Variants in USP46 observed in about 807,000 individuals in gnomAD.
The protein encoded by USP46 is ubiquitin carboxyl-terminal hydrolase 46.
USP46 carries 12 observed loss-of-function variants against 44.4 expected under a neutral mutation model. The observed-to-expected ratio is 0.27, with a 90% confidence interval of 0.17 to 0.44. The LOEUF (loss-of-function observed/expected upper bound fraction) is 0.44. Among genes scored for constraint, USP46 ranks in the 20% least tolerant of loss-of-function variants. The pLI, the probability that USP46 is intolerant of heterozygous loss-of-function variation, is 1.00. For missense variants in USP46, 248 were observed against 444.8 expected (o/e 0.56, Z 3.98); for synonymous variants, 155 against 161.5 (o/e 0.96, Z 0.31).
At chr4:52,632,111 G>A (rs999988700) in intron 1 of USP46, among the ~76,000 whole-genome samples, 7 of 152,028 alleles carry the variant, frequency 4.6e-5, no homozygotes, top group East Asian at 3.9e-4. Context: ...CCCATTGCAC[G>A]GACAAGGAAC....
chr4:52,633,010 GAAAGAAAGAAAGAAAGAAAA>G (rs1717974283), intron 1 of USP46, among the ~76,000 whole-genome samples: 4 of 115,894 alleles, frequency 3.5e-5, no homozygotes, highest in African/African-American at 1.4e-4. Flanking sequence ...AAGAAAGAAA[GAAAGAAAGAAAGAAAGAAAA>G]AGAAAGGTAA....
intron 5 of USP46, among the ~76,000 whole-genome samples, chr4:52,606,633 A>G (rs572041540): frequency 2.0e-5 from 3 of 152,304 alleles, no homozygotes; most frequent in Admixed American, 6.5e-5. Context: ...TTACAATCCA[A>G]TGAGATTTGG....
intron 5 of USP46, among the ~76,000 whole-genome samples, chr4:52,609,414 T>A (rs1716827076): frequency 6.6e-6 from 1 of 151,762 alleles, no homozygotes; most frequent in Non-Finnish European, 1.5e-5. Context: ...AAAAATGCAA[T>A]CCACATTAAA....
At chr4:52,647,642 G>C (rs1021080786) in intron 1 of USP46, among the ~76,000 whole-genome samples, 3 of 152,144 alleles carry the variant, frequency 2.0e-5, no homozygotes, top group African/African-American at 7.2e-5. Flanking sequence ...CAAAAGCTTG[G>C]CCACACACCA....
intron 1 of USP46, among the ~76,000 whole-genome samples, chr4:52,657,382 TG>T (rs1340952753): frequency 1.4e-5 from 2 of 148,068 alleles, no homozygotes; most frequent in Non-Finnish European, 3.0e-5. Context: ...GGGGGACGCG[TG>T]GGGGGAGGTT....
At chr4:52,638,616 A>ATTATATATATAATATATATAATT (rs1222437760) in intron 1 of USP46, among the ~76,000 whole-genome samples, 2 of 148,080 alleles carry the variant, frequency 1.4e-5, no homozygotes, top group Non-Finnish European at 3.0e-5. Context: ...AATGCCCTAA[A>ATTATATATATAATATATATAATT]TTATATATAT....
intron 1 of USP46, among the ~76,000 whole-genome samples, chr4:52,632,976 GAAAGAA>G (rs1717936852): frequency 1.3e-5 from 1 of 76,732 alleles, no homozygotes; most frequent in African/African-American, 6.5e-5. Context: ...AAGAAAGAAA[GAAAGAA>G]AGAAAAGAAA....
At chr4:52,648,247 A>G (rs1426998637) in intron 1 of USP46, among the ~76,000 whole-genome samples, 1 of 152,226 alleles carries the variant, frequency 6.6e-6, no homozygotes, top group Non-Finnish European at 1.5e-5. Flanking sequence ...TGCTCCTCCA[A>G]GAGCCGATTA....
intron 4 of USP46, 95 bp downstream of exon 4, chr4:52,625,923 C>T: frequency 8.2e-7 from 1 of 1,217,784 alleles, no homozygotes; most frequent in Non-Finnish European, 1.1e-6. Flanking sequence ...CTGCAAATAA[C>T]TGCTAAATGC....
Position 52,659,160 on chromosome 4 carries a change from G to C in USP46, c.-10C>G. Reference sequence around the variant, plus strand: ...TGTTTCGGACAGTCATTAGTCTAAAGGTTGCAGCGATCCCTCACCGCCATC... The same window carrying C: ...TGTTTCGGACAGTCATTAGTCTAAACGTTGCAGCGATCCCTCACCGCCATC... On this transcript the variant is annotated 5_prime_UTR_variant, in exon 1 of 9. Coordinates refer to ENST00000441222, the MANE Select transcript of USP46 (RefSeq NM_022832.4). The surrounding 1 kb of genome is among the most constrained non-coding windows in gnomAD (Gnocchi z 4.2). 1 of 1,556,128 alleles carries C rather than the reference G, an allele frequency of 6.4e-7. No homozygotes were observed. The highest frequency in any genetic ancestry group is 8.7e-7 in the Non-Finnish European group (1 of 1,151,800).
At chr4:52,597,853 AATC>A in intron 8 of USP46, 112 bp from the exon 9 acceptor site, 1 of 790,198 alleles carries the variant, frequency 1.3e-6, no homozygotes, top group Non-Finnish European at 2.0e-6. Context: ...TTTGTTATGA[AATC>A]ATCATTAGGA....
intron 2 of USP46, 41 bp downstream of exon 2, chr4:52,631,023 C>A (rs1199357850): frequency 6.6e-7 from 1 of 1,517,704 alleles, no homozygotes; most frequent in African/African-American, 1.4e-5. Flanking sequence ...CTTCATATAC[C>A]CTAAAACATT....
chr4:52,603,682 C>A (rs1716566118), intron 6 of USP46, among the ~76,000 whole-genome samples: 1 of 151,958 alleles, frequency 6.6e-6, no homozygotes, highest in Admixed American at 6.6e-5. Context: ...ATCACCTGTT[C>A]TTTTTCTTTT....
rs1353129472 is a variant in USP46, at chr4:52,659,140, C to G, written c.11G>C (p.Arg4Pro). 6.4e-7 allele frequency: 1 copy of G among 1,569,190 alleles called. No homozygotes were observed. Among genetic ancestry groups the G allele is most frequent in the South Asian group, 1.2e-5 (1 of 85,816 alleles). ...CATATTACAGATGGAGGCGATGTTT[C>G]GGACAGTCATTAGTCTAAAGGTTGC... is the stretch of plus-strand genomic sequence containing the variant. The part of the protein sequence containing the change: MTV[R>P]NIASICNMGT... The change falls in exon 1 of 9, where the codon CGA becomes CCA. Residue 4 changes from arginine (R) to proline (P), a missense_variant. Arg to Pro is a moderately radical substitution (Grantham distance 103). Coordinates refer to ENST00000441222, the MANE Select transcript of USP46 (RefSeq NM_022832.4). This position sits in a 1 kb window ranked among gnomAD's most constrained non-coding sequence, Gnocchi z 4.2.
intron 1 of USP46, among the ~76,000 whole-genome samples, chr4:52,649,721 A>G (rs1028091612): frequency 6.6e-6 from 1 of 152,242 alleles, no homozygotes; most frequent in Non-Finnish European, 1.5e-5. Flanking sequence ...TCATTTATCA[A>G]TATTTATTTA....
chr4:52,638,818 G>A (rs1384825528), intron 1 of USP46, among the ~76,000 whole-genome samples: 3 of 151,864 alleles, frequency 2.0e-5, no homozygotes, highest in Non-Finnish European at 2.9e-5. Flanking sequence ...AGGGCTGTCT[G>A]GGTAGCTTCC....
chr4:52,627,826 G>A (rs892029294), intron 3 of USP46, 124 bp downstream of exon 3: 21 of 1,057,070 alleles, frequency 2.0e-5, no homozygotes, highest in South Asian at 1.1e-4. Context: ...AAATGACACC[G>A]AGTAGTTAAC....
At position 52,594,161 on chromosome 4, in the gene USP46, T is replaced by C. The variant is rs1415393306; in HGVS notation, c.*3479A>G. 3 of 152,218 alleles carry C rather than the reference T, an allele frequency of 2.0e-5. No individual in the cohort carries two copies. Among genetic ancestry groups the C allele is most frequent in the African/African-American group, 7.2e-5 (3 of 41,454 alleles). 9.4% of individuals were successfully genotyped at this position (152,218 alleles called of 1,614,324 possible). Reference sequence around the variant, plus strand: ...GTGTAGCATTACCCGGATATAATTCTCTAGAAAGAGAATTCCCATTTTATT... The same window carrying C: ...GTGTAGCATTACCCGGATATAATTCCCTAGAAAGAGAATTCCCATTTTATT... On this transcript the variant is annotated 3_prime_UTR_variant, in exon 9 of 9. Transcript: ENST00000441222.
chr4:52,591,679 T>C lies in USP46; in HGVS notation c.*5961A>G, dbSNP rs891247152. 2.6e-5 allele frequency: 4 copies of C among 152,242 alleles called. No homozygotes were observed. Among genetic ancestry groups the C allele is most frequent in the African/African-American group, 9.6e-5 (4 of 41,462 alleles). 9.4% of individuals were successfully genotyped at this position (152,242 alleles called of 1,614,324 possible). A position where few individuals can be genotyped will look rare whatever the true frequency, so the allele number is the denominator to read the frequency against. ...CTCATAACCAAAATGAAGCTATTTT[T>C]CCTTTGTAAGCTCCTGATGTCTTTT... On this transcript the variant is annotated 3_prime_UTR_variant, in exon 9 of 9. Coordinates refer to ENST00000441222, the MANE Select transcript of USP46 (RefSeq NM_022832.4).
Sources: gnomAD v4.1 joint callset for allele counts (sites outside exome capture counted in the v4.1 genomes callset) on GRCh38, gnomAD v4.1.1 for gene constraint, Gnocchi (gnomAD v3.1) non-coding constraint, MANE v1.5 for transcripts, NCBI Gene and HGNC (gene_info 2026-07-23, HGNC 2026-07-21) for gene names.